SPEG: variants seen among roughly 807,000 people sequenced by gnomAD.
SPEG encodes the protein striated muscle enriched protein kinase.
SPEG carries 114 observed loss-of-function variants against 300.4 expected under a neutral mutation model. That is an observed-to-expected ratio of 0.38 (90% CI 0.33 to 0.44). The LOEUF (loss-of-function observed/expected upper bound fraction) is 0.44. SPEG is among the 20% of genes least tolerant of loss of function. The pLI is 1.00. For missense variants in SPEG, 4,201 were observed against 4,586.2 expected (o/e 0.92, Z 2.43); for synonymous variants, 1,964 against 2,018.9 (o/e 0.97, Z 0.73).
Position 219,434,854 on chromosome 2 carries a change from A to C in SPEG, c.-124A>C. On this transcript the variant is annotated 5_prime_UTR_variant, in exon 1 of 41. Transcript: ENST00000312358. ...GTGACCTTCTGGGTAGCACAGGCCGAAGGCGGGCGGGCAGCAGGAAGGCAG... is the reference window on the plus strand; with the variant it reads ...GTGACCTTCTGGGTAGCACAGGCCGCAGGCGGGCGGGCAGCAGGAAGGCAG... The C allele has an allele frequency of 1.6e-6, 1 of 634,002 alleles. No homozygotes were observed. The highest frequency in any genetic ancestry group is 3.4e-5 in the East Asian group (1 of 29,084). The allele number at this position is 634,002 out of a possible 1,614,324, so 39.3% of individuals were successfully genotyped here.
rs759081809 is a variant in SPEG at position 219,445,000 on chromosome 2, C to T, written c.654C>T (p.Thr218=). ...GCAGCCCAAGGCAAGCACAGGCAAC[C>T]GGGGCCGGGCCACGGCACCTGGGGG... ...LPGSPRQAQA[T]GAGPRHLGVE... The change falls in exon 3 of 41, where the codon ACC becomes ACT. Residue 218 remains threonine (T), a synonymous_variant. Transcript: ENST00000312358. The surrounding 1 kb of genome is among the most constrained non-coding windows in gnomAD (Gnocchi z 7.8). The T allele has an allele frequency of 1.9e-5, 30 of 1,610,568 alleles. No individual in the cohort carries two copies. The highest frequency in any genetic ancestry group is 2.4e-5 in the Non-Finnish European group (28 of 1,178,786).
In SPEG at chr2:219,439,332, A is replaced by G. The variant is rs1385873283; in HGVS notation, c.388+3967A>G. 6.6e-6 allele frequency among the ~76,000 whole-genome samples: 1 copy of G among 152,118 alleles called. No homozygotes were observed. The highest frequency in any genetic ancestry group is 1.5e-5 in the Non-Finnish European group (1 of 68,026). On this transcript the variant is annotated intron_variant, in intron 1 of 40. Coordinates refer to ENST00000312358, the MANE Select transcript of SPEG (RefSeq NM_005876.5). This position sits in a 1 kb window ranked among gnomAD's most constrained non-coding sequence, Gnocchi z 4.5. Reference sequence around the variant, plus strand: ...TACACGAGTCAGGGGGTTGAGGGAGACCAAAATTTATGTCCTCCAGGGGAT... The same window carrying G: ...TACACGAGTCAGGGGGTTGAGGGAGGCCAAAATTTATGTCCTCCAGGGGAT...
intron 14 of SPEG, 37 bp from the exon 15 acceptor site, chr2:219,472,190 C>T (rs764567713): frequency 6.2e-7 from 1 of 1,602,992 alleles, no homozygotes; most frequent in Non-Finnish European, 8.5e-7. Context: ...GCTGTTGGGC[C>T]CTTGGACCCA....
chr2:219,493,090 G>A lies in SPEG; in HGVS notation c.*304G>A. The A allele has an allele frequency of 1.6e-6, 1 of 631,010 alleles. No individual in the cohort carries two copies. The highest frequency in any genetic ancestry group is 2.9e-6 in the Non-Finnish European group (1 of 340,466). 39.1% of individuals were successfully genotyped at this position (631,010 alleles called of 1,614,324 possible). ...GAAAAGGAATCGAGGGACAGGAAGG[G>A]GGAGGCTCTAGGAAGGTTCTGGGTT... On this transcript the variant is annotated 3_prime_UTR_variant, in exon 41 of 41. Transcript: ENST00000312358.
chr2:219,488,533 A>G lies in SPEG; in HGVS notation c.7894A>G (p.Ile2632Val), dbSNP rs765961739. 4.4e-6 allele frequency: 7 copies of G among 1,603,722 alleles called. No homozygotes were observed. In the East Asian group the frequency reaches 1.3e-4, roughly 31 times the overall value. ...KSLRSEPSVI[I>V]VSCKDGRQLL... ...CTTGAGGTCAGAGCCCTCAGTGATC[A>G]TCGTGTCCTGCAAAGATGGGCGGCA... Residue 2632 changes from isoleucine (I) to valine (V), a missense_variant, in exon 33 of 41, where the codon ATC becomes GTC. By Grantham distance (29) the Ile-to-Val change is conservative. This residue lies in a region of SPEG where 1,578 missense variants were observed against 1,506.0 expected (regional missense o/e 1.05). Transcript: ENST00000312358.
chr2:219,484,166 C>T lies in SPEG; in HGVS notation c.6703C>T (p.Leu2235=). 6.2e-7 allele frequency: 1 copy of T among 1,612,756 alleles called. No homozygotes were observed. Among genetic ancestry groups the T allele is most frequent in the South Asian group, 1.1e-5 (1 of 91,042 alleles). The change falls in exon 30 of 41, where the codon CTG becomes TTG. Residue 2235 remains leucine, a synonymous_variant. Coordinates refer to ENST00000312358, the MANE Select transcript of SPEG (RefSeq NM_005876.5). ...CAAGCCTGCACCACCCCCCCAGGCC[C>T]TGCAAACCCTAGCGCTGCCCCTCAC... ...ASKPAPPPQA[L]QTLALPLTPY...
At position 219,485,215 on chromosome 2, in the gene SPEG, A is replaced by G. The variant is rs899685859; in HGVS notation, c.7610-131A>G. 1,104 of 1,475,380 alleles carry G rather than the reference A, an allele frequency of 7.5e-4. 2 individuals carry two copies. The highest frequency in any genetic ancestry group is 9.3e-4 in the Non-Finnish European group (1,018 of 1,090,056). 91.4% of individuals were successfully genotyped at this position (1,475,380 alleles called of 1,614,324 possible). ...GGTGGAATCAGCAGGGCTGGAGGGGAGGAAAGCAGGAATGGCGGCAGGGCT... is the reference window on the plus strand; with the variant it reads ...GGTGGAATCAGCAGGGCTGGAGGGGGGGAAAGCAGGAATGGCGGCAGGGCT... On this transcript the variant is annotated intron_variant, in intron 30 of 40. Transcript: ENST00000312358.
chr2:219,444,152 C>G lies in SPEG; in HGVS notation c.389-501C>G. On this transcript the variant is annotated intron_variant, in intron 1 of 40. Transcript: ENST00000312358. This position sits in a 1 kb window ranked among gnomAD's most constrained non-coding sequence, Gnocchi z 7.8. ...CACCCTGCCTCAGCTGCACCCGATG[C>G]CTTGCAGCTGGTTTGGGGTAGAGGA... is the stretch of plus-strand genomic sequence containing the variant. The G allele has an allele frequency of 1.0e-6, 1 of 971,670 alleles. No homozygotes were observed. Among genetic ancestry groups the G allele is most frequent in the South Asian group, 1.3e-5 (1 of 74,790 alleles). 60.2% of individuals were successfully genotyped at this position (971,670 alleles called of 1,614,324 possible).
At position 219,464,631 on chromosome 2, in the gene SPEG, A is replaced by T; in HGVS notation, c.2881+23A>T. ...GAGGTGAGTACCTGATTTCTCCATG[A>T]ATGCCCACCTGGCCCTGGCCCCTTC... On this transcript the variant is annotated intron_variant, in intron 9 of 40. Transcript: ENST00000312358. This position sits in a 1 kb window ranked among gnomAD's most constrained non-coding sequence, Gnocchi z 4.5. The T allele has an allele frequency of 1.2e-6, 2 of 1,608,860 alleles. No homozygotes were observed. The highest frequency in any genetic ancestry group is 1.7e-6 in the Non-Finnish European group (2 of 1,175,726).
At position 219,484,213 on chromosome 2, in the gene SPEG, G is replaced by A. The variant is rs767928497; in HGVS notation, c.6750G>A (p.Gln2250=). 2.5e-6 allele frequency: 4 copies of A among 1,612,212 alleles called. No homozygotes were observed. The highest frequency in any genetic ancestry group is 2.5e-6 in the Non-Finnish European group (3 of 1,179,826). The change falls in exon 30 of 41, where the codon CAG becomes CAA. Residue 2250 remains glutamine (Q), a synonymous_variant. Coordinates refer to ENST00000312358, the MANE Select transcript of SPEG (RefSeq NM_005876.5). ...LPLTPYAQII[Q]SLQLSGHAQG... ...TCACACCCTATGCTCAGATCATTCA[G>A]TCCCTCCAGCTGTCAGGCCACGCCC... is the stretch of plus-strand genomic sequence containing the variant.
chr2:219,445,892 G>A lies in SPEG; in HGVS notation c.815+731G>A, dbSNP rs972602807. Among the ~76,000 whole-genome samples the A allele has an allele frequency of 8.5e-5, 13 of 152,186 alleles. No homozygotes were observed. The highest frequency in any genetic ancestry group is 2.9e-4 in the African/African-American group (12 of 41,440). ...GGTGGGATTCAAGGTTGTCCCAGGA[G>A]GGGGTGTGAGGAGCGGAGGTGTTGG... On this transcript the variant is annotated intron_variant, in intron 3 of 40. Transcript: ENST00000312358. This position sits in a 1 kb window ranked among gnomAD's most constrained non-coding sequence, Gnocchi z 6.1.
At position 219,444,565 on chromosome 2, in the gene SPEG, T is replaced by C; in HGVS notation, c.389-88T>C. On this transcript the variant is annotated intron_variant, in intron 1 of 40. Transcript: ENST00000312358. This position sits in a 1 kb window ranked among gnomAD's most constrained non-coding sequence, Gnocchi z 7.8. ...GCCCTGCCAGTGATAAGATGGAGCC[T>C]GCTGTTGGCAGGGAGGCAGAAGGCA... 9.0e-7 allele frequency: 1 copy of C among 1,112,916 alleles called. No individual in the cohort carries two copies. The highest frequency in any genetic ancestry group is 1.4e-6 in the Non-Finnish European group (1 of 736,032). The allele number at this position is 1,112,916 out of a possible 1,614,324, so 68.9% of individuals were successfully genotyped here.
At position 219,482,834 on chromosome 2, in the gene SPEG, C is replaced by T. The variant is rs1332963059; in HGVS notation, c.5616C>T (p.Leu1872=). ...EVSTDHLKLF[L]SRRRWQRSQI... ...GCACGGATCACCTGAAGCTATTCCT[C>T]TCCCGGCGGAGGTGGCAGGTAAGTG... Residue 1872 remains leucine (L), a synonymous_variant, in exon 29 of 41, where the codon CTC becomes CTT. Transcript: ENST00000312358. 4 of 1,613,800 alleles carry T rather than the reference C, an allele frequency of 2.5e-6. No individual in the cohort carries two copies. Among genetic ancestry groups the T allele is most frequent in the Admixed American group, 3.3e-5 (2 of 60,000 alleles).
At chr2:219,485,167 C>T in intron 30 of SPEG, 95 bp downstream of exon 30, 1 of 1,492,916 alleles carries the variant, frequency 6.7e-7, no homozygotes, top group African/African-American at 1.4e-5. Context: ...GGACACCCAC[C>T]AGGGGCAGGC....
In SPEG at chr2:219,484,333, C is replaced by T; in HGVS notation, c.6870C>T (p.Pro2290=). ...ARVASPPPGA[P]EKRVPSAGGP... ...TGGCCTCCCCACCTCCGGGAGCCCC[C>T]GAGAAGCGCGTGCCCTCAGCCGGGG... The change falls in exon 30 of 41, where the codon CCC becomes CCT. Residue 2290 remains proline (P), a synonymous_variant. Transcript: ENST00000312358. 3 of 1,604,052 alleles carry T rather than the reference C, an allele frequency of 1.9e-6. No individual in the cohort carries two copies. Among genetic ancestry groups the T allele is most frequent in the Non-Finnish European group, 2.5e-6 (3 of 1,178,480 alleles).
rs749605821 is a variant in SPEG, at chr2:219,477,233, A to G, written c.4561-44A>G. 2 of 667,350 alleles carry G rather than the reference A, an allele frequency of 3.0e-6. No individual in the cohort carries two copies. The highest frequency in any genetic ancestry group is 8.3e-5 in the Admixed American group (2 of 23,962). 41.3% of individuals were successfully genotyped at this position (667,350 alleles called of 1,614,324 possible). ...AGATGAGGCCCTGGCCCCAAGGTAG[A>G]GATGAGGCCAGGCCCAGGCTGAAGG... On this transcript the variant is annotated intron_variant, in intron 19 of 40. Transcript: ENST00000312358. The surrounding 1 kb of genome is among the most constrained non-coding windows in gnomAD (Gnocchi z 6.4).
intron 36 of SPEG, 33 bp downstream of exon 36, chr2:219,489,972 G>A: frequency 3.3e-6 from 5 of 1,530,494 alleles, no homozygotes; most frequent in Non-Finnish European, 4.4e-6. Context: ...AGAGGACAGA[G>A]GGGAGTGGGC....
At chr2:219,486,959 C>T (rs1337434217) in intron 31 of SPEG, among the ~76,000 whole-genome samples, 1 of 152,148 alleles carries the variant, frequency 6.6e-6, no homozygotes, top group Non-Finnish European at 1.5e-5. Flanking sequence ...CCATCCTGAT[C>T]ACCACACCTG....
intron 28 of SPEG, among the ~76,000 whole-genome samples, chr2:219,482,568 T>TG (rs1044088423): frequency 7.9e-5 from 12 of 151,946 alleles, no homozygotes; most frequent in East Asian, 1.9e-4. Context: ...GCCTCTCCCC[T>TG]GGGGGGTTCA....
Sources: gnomAD v4.1 joint callset for allele counts (sites outside exome capture counted in the v4.1 genomes callset) on GRCh38, gnomAD v4.1.1 for gene constraint, gnomAD v4.1.1 regional missense constraint, Gnocchi (gnomAD v3.1) non-coding constraint, MANE v1.5 for transcripts, NCBI Gene and HGNC (gene_info 2026-07-23, HGNC 2026-07-21) for gene names.